OPHN1: variants seen among roughly 807,000 people sequenced by gnomAD.
OPHN1 encodes oligophrenin 1.
In OPHN1, 11 loss-of-function variants were observed where a neutral mutation model predicts 60.7. The ratio of observed to expected loss-of-function variants is 0.18; its 90% confidence interval spans 0.11 to 0.30. The LOEUF (loss-of-function observed/expected upper bound fraction) is 0.30, where lower values mean the gene tolerates loss of function less well. OPHN1 is among the 10% of genes least tolerant of loss of function. The pLI is 1.00. For missense variants in OPHN1, 449 were observed against 611.0 expected, an observed-to-expected ratio of 0.73 and a Z score of 2.80; for synonymous variants, 226 against 222.6, an observed-to-expected ratio of 1.02 and a Z score of -0.14.
At chrX:68,182,196 T>TTTG (rs1386882775) in intron 15 of OPHN1, among the ~76,000 whole-genome samples, 2 of 97,330 alleles carry the variant, frequency 2.1e-5, no homozygotes, top group Non-Finnish European at 4.1e-5. Context: ...TAGTTTTTTT[T>TTTG]TTTTTTTTTT....
intron 10 of OPHN1, among the ~76,000 whole-genome samples, chrX:68,202,445 T>C (rs1275997858): frequency 9.0e-6 from 1 of 111,482 alleles, no homozygotes; most frequent in Non-Finnish European, 1.9e-5. Flanking sequence ...ACAGAGACCA[T>C]GTGATACAGG....
chrX:68,091,533 T>A (rs2077018238), intron 19 of OPHN1, among the ~76,000 whole-genome samples: 1 of 111,259 alleles, frequency 9.0e-6, no homozygotes, highest in Admixed American at 9.6e-5. Flanking sequence ...GCAAACCTGT[T>A]ACCACTACCA....
chrX:68,080,399 G>A (rs957967852), intron 19 of OPHN1, among the ~76,000 whole-genome samples: 3 of 112,029 alleles, frequency 2.7e-5, no homozygotes, highest in Admixed American at 9.5e-5. Flanking sequence ...ACCCTTTATG[G>A]AAGAGACTGC....
chrX:68,183,816 T>A (rs2077449459), intron 15 of OPHN1, among the ~76,000 whole-genome samples: 1 of 112,682 alleles, frequency 8.9e-6, no homozygotes, highest in South Asian at 3.6e-4. Flanking sequence ...CTCCTACTAA[T>A]CTTGTCTTTT....
At chrX:68,234,735 T>A in intron 5 of OPHN1, 147 bp from the exon 6 acceptor site, 1 of 489,328 alleles carries the variant, frequency 2.0e-6, no homozygotes, top group Non-Finnish European at 3.6e-6. Flanking sequence ...GAGAATTAAC[T>A]TTGTATTGGT....
intron 15 of OPHN1, among the ~76,000 whole-genome samples, chrX:68,131,008 C>T (rs1161340334): frequency 9.0e-6 from 1 of 110,561 alleles, no homozygotes; most frequent in Non-Finnish European, 1.9e-5. Flanking sequence ...TGAAAGGTAT[C>T]ATTTGTAAGA....
At chrX:68,433,540 T>G, upstream of OPHN1, 1 of 282,673 alleles carries the variant, frequency 3.5e-6, no homozygotes. Flanking sequence ...CCCCTCCCCT[T>G]TCTTAAAGCC....
chrX:68,344,689 A>C (rs2147695971), intron 2 of OPHN1, among the ~76,000 whole-genome samples: 1 of 111,670 alleles, frequency 9.0e-6, no homozygotes, highest in Non-Finnish European at 1.9e-5. Flanking sequence ...AGCCTGGGCA[A>C]CACAGTGAGA....
At chrX:68,075,779 C>CAAAAAAAA (rs35536405) in intron 19 of OPHN1, among the ~76,000 whole-genome samples, 1 of 39,862 alleles carries the variant, frequency 2.5e-5, no homozygotes, top group African/African-American at 9.0e-5. Context: ...TATACATAGG[C>CAAAAAAAA]AAAAAAAAAA....
intron 2 of OPHN1, among the ~76,000 whole-genome samples, chrX:68,314,964 C>T (rs757240681): frequency 1.2e-4 from 12 of 96,525 alleles, no homozygotes; most frequent in East Asian, 3.2e-4. Flanking sequence ...CCAGCCTGGG[C>T]GACAGAGCAA....
intron 5 of OPHN1, among the ~76,000 whole-genome samples, chrX:68,269,264 G>C (rs2077952340): frequency 9.0e-6 from 1 of 111,443 alleles, no homozygotes; most frequent in African/African-American, 3.3e-5. Flanking sequence ...AACCAAAAAA[G>C]AGCCCACATC....
At chrX:68,425,379 T>C (rs1472838388) in intron 2 of OPHN1, among the ~76,000 whole-genome samples, 1 of 112,579 alleles carries the variant, frequency 8.9e-6, no homozygotes, top group Non-Finnish European at 1.9e-5. Flanking sequence ...AGCATGGTGG[T>C]AGCCAGAAAA....
chrX:68,339,898 G>A (rs1338208878), intron 2 of OPHN1, among the ~76,000 whole-genome samples: 1 of 111,907 alleles, frequency 8.9e-6, no homozygotes, highest in East Asian at 2.8e-4. Context: ...CCACTGCACC[G>A]GGCCACAAAT....
intron 19 of OPHN1, among the ~76,000 whole-genome samples, chrX:68,076,012 TGAAAA>T (rs1462556879): frequency 9.1e-6 from 1 of 110,031 alleles, no homozygotes; most frequent in Admixed American, 9.8e-5. Context: ...CTGTTAAGAA[TGAAAA>T]GAAAAACCAC....
intron 5 of OPHN1, among the ~76,000 whole-genome samples, chrX:68,251,107 T>C (rs959776090): frequency 2.7e-5 from 3 of 109,133 alleles, no homozygotes; most frequent in African/African-American, 1.0e-4. Context: ...GAAAGAAGAA[T>C]TGTAGTAAAA....
chrX:68,306,607 G>A (rs374702627), intron 2 of OPHN1, among the ~76,000 whole-genome samples: 4 of 112,171 alleles, frequency 3.6e-5, no homozygotes, highest in Admixed American at 1.9e-4. Context: ...AAAGTAGGTC[G>A]TCAATGTTAG....
At chrX:68,256,774 G>A (rs1025058704) in intron 5 of OPHN1, among the ~76,000 whole-genome samples, 10 of 111,611 alleles carry the variant, frequency 9.0e-5, no homozygotes, top group African/African-American at 2.6e-4. Context: ...GCTCACATCT[G>A]TAATCCCAGC....
intron 5 of OPHN1, among the ~76,000 whole-genome samples, chrX:68,252,468 G>T (rs2077840907): frequency 8.9e-6 from 1 of 112,058 alleles, no homozygotes; most frequent in Non-Finnish European, 1.9e-5. Context: ...TTTCCAATGA[G>T]AGGGTTTACC....
In OPHN1 at chrX:68,252,631, T is replaced by C. The variant is rs148272190; in HGVS notation, c.385-18043A>G. Among the ~76,000 whole-genome samples the C allele has an allele frequency of 2.4e-3, 268 of 112,344 alleles. 2 individuals carry two copies. The highest frequency in any genetic ancestry group is 8.1e-3 in the African/African-American group (252 of 30,949). ...TATTTAATACATATTGAGTGTTTCA[T>C]AAGAATAGCAATGATGATGATGAAT... On this transcript the variant is annotated intron_variant, in intron 5 of 24. Transcript: ENST00000355520.
Sources: allele counts gnomAD v4.1 joint callset (sites outside exome capture counted in the v4.1 genomes callset), GRCh38; gene constraint gnomAD v4.1.1; transcripts MANE v1.5; gene names NCBI Gene and HGNC (gene_info 2026-07-23, HGNC 2026-07-21).